The following TTN variants were observed in gnomAD, a reference collection of about 807,000 sequenced individuals.
The protein encoded by TTN is titin.
TTN carries 1,525 observed loss-of-function variants against 3,223.0 expected under a neutral mutation model. The ratio of observed to expected loss-of-function variants is 0.47; its 90% CI spans 0.45 to 0.49. The LOEUF is 0.49. Ranked by LOEUF, TTN falls within the 20% of genes least tolerant of loss-of-function variation. TTN has a pLI of 0.00. For missense variants in TTN, 40,786 were observed against 43,424.0 expected (o/e 0.94, Z 5.40); for synonymous variants, 14,094 against 15,161.0 (o/e 0.93, Z 5.17).
chr2:178,568,084 G>A lies in TTN; in HGVS notation c.78048C>T (p.Asn26016=). ...AACCTATGACGGGGCTTCCACCATT[G>A]TTGACTGGTTCATGCCACTGTATGA... The part of the protein sequence containing the change: ...SMVIQWHEPV[N]NGGSPVIGYH... The change falls in exon 326 of 363, where the codon AAC becomes AAT. Residue 26016 remains asparagine, a synonymous_variant. Coordinates refer to ENST00000589042, the MANE Select transcript of TTN (RefSeq NM_001267550.2). 3 of 1,613,358 alleles carry A rather than the reference G, an allele frequency of 1.9e-6. No individual in the cohort carries two copies. The highest frequency in any genetic ancestry group is 2.5e-6 in the Non-Finnish European group (3 of 1,179,600).
At position 178,778,898 on chromosome 2, in the gene TTN, G is replaced by A; in HGVS notation, c.4184C>T (p.Thr1395Ile). ...APLGAPTYIP[T>I]LEPVSRIRSL... is the part of the protein sequence containing the mutation. ...CCTGATTCTGCTCACTGGCTCTAGT[G>A]TGGGAATGTAAGTCGGAGCTCCAAG... The change falls in exon 24 of 363, where the codon ACA becomes ATA. Residue 1395 changes from threonine to isoleucine, a missense_variant. Physicochemically the swap from Thr to Ile is moderately conservative, Grantham distance 89. Coordinates refer to ENST00000589042, the MANE Select transcript of TTN (RefSeq NM_001267550.2). 1 of 1,613,970 alleles carries A rather than the reference G, an allele frequency of 6.2e-7. No homozygotes were observed. Among genetic ancestry groups the A allele is most frequent in the East Asian group, 2.2e-5 (1 of 44,850 alleles).
intron 354 of TTN, 125 bp from the exon 355 acceptor site, chr2:178,538,042 A>G: frequency 1.1e-6 from 1 of 928,652 alleles, no homozygotes; most frequent in Non-Finnish European, 1.6e-6. Flanking sequence ...TATTAGCCTA[A>G]TTCTTAAAAA....
In TTN at chr2:178,784,375, A is replaced by T. The variant is rs748263333; in HGVS notation, c.2494-24T>A. On this transcript the variant is annotated intron_variant, in intron 15 of 362. Coordinates refer to ENST00000589042, the MANE Select transcript of TTN (RefSeq NM_001267550.2). Reference sequence around the variant, plus strand: ...GCCTACATGGAAACAGAGTCAGAAAATAAAGTCATTTAACCATCCTCCGAT... The same window carrying T: ...GCCTACATGGAAACAGAGTCAGAAATTAAAGTCATTTAACCATCCTCCGAT... The T allele has an allele frequency of 3.7e-6, 6 of 1,613,268 alleles. No homozygotes were observed. The East Asian group carries it at 1.3e-4, about 36-fold the overall frequency.
In TTN at chr2:178,597,558, G is replaced by A. The variant is rs1450515648; in HGVS notation, c.57524C>T (p.Thr19175Ile). ...TTTACCTAATACATCAACAATAATT[G>A]TCTTCTTTCTTTCTCCGGCTTCATT... ...AKNEAGERKK[T>I]IIVDVLDVPG... Residue 19175 changes from threonine (T) to isoleucine (I), a missense_variant, in exon 294 of 363, where the codon ACA becomes ATA. Thr to Ile is a moderately conservative substitution (Grantham distance 89). Coordinates refer to ENST00000589042, the MANE Select transcript of TTN (RefSeq NM_001267550.2). The A allele has an allele frequency of 1.2e-6, 2 of 1,612,188 alleles. No homozygotes were observed. Among genetic ancestry groups the A allele is most frequent in the Admixed American group, 1.7e-5 (1 of 59,778 alleles).
In TTN at chr2:178,730,960, C is replaced by A. The variant is rs1346456739; in HGVS notation, c.17705G>T (p.Gly5902Val). 6.2e-7 allele frequency: 1 copy of A among 1,611,172 alleles called. No homozygotes were observed. The highest frequency in any genetic ancestry group is 8.5e-7 in the Non-Finnish European group (1 of 1,178,208). The change falls in exon 60 of 363, where the codon GGG becomes GTG. Residue 5902 changes from glycine (G) to valine (V), a missense_variant. Physicochemically the swap from Gly to Val is moderately radical, Grantham distance 109 (BLOSUM62 -3). Coordinates refer to ENST00000589042, the MANE Select transcript of TTN (RefSeq NM_001267550.2). ...AATTCTAGCCTTGCAGCTGCTCCTC[C>A]CAACATCATTTTGGACCTCGAAAGT... ...EYTFEVQNDVGRSSCKARINV... is the reference protein window; with the variant it reads ...EYTFEVQNDVVRSSCKARINV...
At chr2:178,549,500 T>A in intron 338 of TTN, 27 bp from the exon 339 acceptor site, 1 of 1,592,920 alleles carries the variant, frequency 6.3e-7, no homozygotes, top group Non-Finnish European at 8.6e-7. Context: ...AAACCCCAAA[T>A]CAATTAGATG....
chr2:178,688,696 C>T lies in TTN; in HGVS notation c.32178G>A (p.Val10726=). The change falls in exon 126 of 363, where the codon GTG becomes GTA. Residue 10726 remains valine (V), a synonymous_variant. Coordinates refer to ENST00000589042, the MANE Select transcript of TTN (RefSeq NM_001267550.2). ...EKLSFAVPQR[V]EVTRHEVSAE... Reference sequence around the variant, plus strand: ...ATATACCTTCGTGCCGCGTGACTTCCACTCTTTGAGGAACTGCGAAGGATA... The same window carrying T: ...ATATACCTTCGTGCCGCGTGACTTCTACTCTTTGAGGAACTGCGAAGGATA... The T allele has an allele frequency of 3.7e-6, 6 of 1,613,506 alleles. No individual in the cohort carries two copies. Among genetic ancestry groups the T allele is most frequent in the Non-Finnish European group, 5.1e-6 (6 of 1,179,454 alleles).
intron 17 of TTN, 42 bp from the exon 18 acceptor site, chr2:178,783,106 T>C (rs2092918921): frequency 6.2e-7 from 1 of 1,600,152 alleles, no homozygotes; most frequent in South Asian, 1.1e-5. Context: ...CGTGTGCATA[T>C]TCATTAATCA....
intron 47 of TTN, chr2:178,747,886 T>G (rs1179003145): frequency 6.2e-7 from 1 of 1,613,138 alleles, no homozygotes; most frequent in Admixed American, 1.7e-5. Flanking sequence ...TCTGTTGTTC[T>G]TCAGTCATCA....
rs577363824 is a variant in TTN, at chr2:178,675,038, C to T, written c.34612+1G>A. The T allele has an allele frequency of 1.6e-5, 24 of 1,523,594 alleles. No individual in the cohort carries two copies. Among genetic ancestry groups the T allele is most frequent in the Admixed American group, 2.2e-5 (1 of 44,980 alleles). The allele number at this position is 1,523,594 out of a possible 1,614,324, so 94.4% of individuals were successfully genotyped here. The stretch of plus-strand genomic sequence containing the variant: ...TGTTATTTTCTTAGAAAGTTATCTA[C>T]CTTCAACTGGTAGAACTTCCTCTTC... On this transcript the variant is annotated splice_donor_variant, in intron 150 of 362. Coordinates refer to ENST00000589042, the MANE Select transcript of TTN (RefSeq NM_001267550.2). LOFTEE classifies it high-confidence loss of function.
In TTN at chr2:178,551,198, G is replaced by A; in HGVS notation, c.91333C>T (p.Pro30445Ser). 6.2e-7 allele frequency: 1 copy of A among 1,613,482 alleles called. No individual in the cohort carries two copies. The highest frequency in any genetic ancestry group is 8.5e-7 in the Non-Finnish European group (1 of 1,179,660). ...TTACTGCCTCCATCACGCAATGGTG[G>A]GTTCCATTTAAGTGTGATGGTTTCC... is the stretch of plus-strand genomic sequence containing the variant. ...TRETITLKWNPPLRDGGSKIV... is the reference protein window; with the variant it reads ...TRETITLKWNSPLRDGGSKIV... Residue 30445 changes from proline to serine, a missense_variant, in exon 336 of 363, where the codon CCA becomes TCA. Coordinates refer to ENST00000589042, the MANE Select transcript of TTN (RefSeq NM_001267550.2).
chr2:178,745,195 C>G, intron 47 of TTN: 1 of 1,007,772 alleles, frequency 9.9e-7, no homozygotes, highest in Non-Finnish European at 1.2e-6. Flanking sequence ...TCTGCGTGGT[C>G]ATCTGATATG....
At position 178,621,508 on chromosome 2, in the gene TTN, T is replaced by C; in HGVS notation, c.45316A>G (p.Ser15106Gly). 6.2e-7 allele frequency: 1 copy of C among 1,612,458 alleles called. No homozygotes were observed. The highest frequency in any genetic ancestry group is 1.7e-5 in the Admixed American group (1 of 59,848). ...DAGNYNCRLP[S>G]SRTDGKVKVH... ...TTGACTTTGCCATCGGTTCGAGAGC[T>C]TGGGAGTCGACAGTTGTAGTTGCCA... Residue 15106 changes from serine (S) to glycine (G), a missense_variant, in exon 245 of 363, where the codon AGC becomes GGC. By Grantham distance (56) the Ser-to-Gly change is moderately conservative. Transcript: ENST00000589042.
chr2:178,606,712 C>T (rs188989015), intron 278 of TTN, among the ~76,000 whole-genome samples: 7 of 151,990 alleles, frequency 4.6e-5, no homozygotes, highest in Admixed American at 3.3e-4. Context: ...AACCCGACTT[C>T]CAATGTGTTC....
Position 178,538,738 on chromosome 2 carries a change from G to T in TTN, c.99091C>A (p.Leu33031Ile). The part of the protein sequence containing the change: ...KPECDGGKEI[L>I]GYWVEYRQSG... The stretch of plus-strand genomic sequence containing the variant: ...TGTCTATATTCAACCCAGTATCCAA[G>T]AATTTCTTTACCACCATCACATTCA... The change falls in exon 354 of 363, where the codon CTT becomes ATT. Residue 33031 changes from leucine (L) to isoleucine (I), a missense_variant. Physicochemically the swap from Leu to Ile is conservative, Grantham distance 5. Coordinates refer to ENST00000589042, the MANE Select transcript of TTN (RefSeq NM_001267550.2). 6.2e-7 allele frequency: 1 copy of T among 1,613,694 alleles called. No homozygotes were observed. The highest frequency in any genetic ancestry group is 1.1e-5 in the South Asian group (1 of 91,072).
In TTN at chr2:178,543,661, A is replaced by T; in HGVS notation, c.96312T>A (p.Asp32104Glu). 1 of 1,577,862 alleles carries T rather than the reference A, an allele frequency of 6.3e-7. No individual in the cohort carries two copies. Among genetic ancestry groups the T allele is most frequent in the Non-Finnish European group, 8.6e-7 (1 of 1,167,308 alleles). The change falls in exon 347 of 363, where the codon GAT becomes GAA. Residue 32104 changes from aspartate to glutamate, a missense_variant and splice_region_variant. Physicochemically the swap from Asp to Glu is conservative, Grantham distance 45. Transcript: ENST00000589042. ...KSATVLVKVY[D>E]TPGPCPSVKV... ...TCACTGAAGGACAGGGACCAGGAGT[A>T]TCTGAAAAACAGAATGAAAGATTCA...
chr2:178,599,034 T>C lies in TTN; in HGVS notation c.56676A>G (p.Thr18892=). ...TGGAGTTACGAGTCACGCTGCTAAC[T>C]GTTGGTTTATCTGGTGCTCCAGGGA... ...FSVPGAPDKP[T]VSSVTRNSMT... is the part of the protein sequence containing the mutation. The change falls in exon 291 of 363, where the codon ACA becomes ACG. Residue 18892 remains threonine, a synonymous_variant. Coordinates refer to ENST00000589042, the MANE Select transcript of TTN (RefSeq NM_001267550.2). 5 of 1,582,360 alleles carry C rather than the reference T, an allele frequency of 3.2e-6. No individual in the cohort carries two copies. The highest frequency in any genetic ancestry group is 4.3e-6 in the Non-Finnish European group (5 of 1,164,380).
chr2:178,599,451 A>G lies in TTN; in HGVS notation c.56348-6T>C. On this transcript the variant is annotated splice_region_variant and splice_polypyrimidine_tract_variant and intron_variant, in intron 289 of 362. Coordinates refer to ENST00000589042, the MANE Select transcript of TTN (RefSeq NM_001267550.2). Reference sequence around the variant, plus strand: ...CACTGGAGGGCCAGGACGACCTAAAATGGTTTAAAGAAGGAACCCTTTATC... The same window carrying G: ...CACTGGAGGGCCAGGACGACCTAAAGTGGTTTAAAGAAGGAACCCTTTATC... The G allele has an allele frequency of 2.6e-6, 4 of 1,522,850 alleles. No homozygotes were observed. Among genetic ancestry groups the G allele is most frequent in the Non-Finnish European group, 3.5e-6 (4 of 1,138,916 alleles). The allele number at this position is 1,522,850 out of a possible 1,614,324, so 94.3% of individuals were successfully genotyped here.
chr2:178,689,090 C>T lies in TTN; in HGVS notation c.32058G>A (p.Val10686=). 1 of 1,607,448 alleles carries T rather than the reference C, an allele frequency of 6.2e-7. No homozygotes were observed. Among genetic ancestry groups the T allele is most frequent in the Non-Finnish European group, 8.5e-7 (1 of 1,178,846 alleles). The change falls in exon 125 of 363, where the codon GTG becomes GTA. Residue 10686 remains valine, a synonymous_variant. Coordinates refer to ENST00000589042, the MANE Select transcript of TTN (RefSeq NM_001267550.2). ...GAGCTTTCTTAGCGACAGGAACTGG[C>T]ACTGCAACTTTCTCCTCTGGGACGG... ...KKPVPEEKVA[V]PVPVAKKAPP...
Sources: allele counts gnomAD v4.1 joint callset (sites outside exome capture counted in the v4.1 genomes callset), GRCh38; gene constraint gnomAD v4.1.1; transcripts MANE v1.5; gene names NCBI Gene and HGNC (gene_info 2026-07-23, HGNC 2026-07-21).